Variants in MOV10 observed in about 807,000 individuals in gnomAD.
MOV10 encodes the protein RNA helicase MOV-10.
A neutral mutation model predicts 108.4 loss-of-function variants in MOV10; 39 were observed. The observed-to-expected ratio is 0.36, with a 90% CI of 0.28 to 0.47. The LOEUF is 0.47. Ranked by LOEUF, MOV10 falls within the 20% of genes least tolerant of loss-of-function variation. MOV10 has a pLI of 1.00. For synonymous variants in MOV10, 490 were observed against 523.1 expected (o/e 0.94, Z 0.86); for missense variants, 952 against 1,297.6 (o/e 0.73, Z 4.09).
intron 14 of MOV10, 147 bp downstream of exon 14, chr1:112,696,993 TC>T (rs1344431990): frequency 1.4e-6 from 1 of 711,308 alleles, no homozygotes; most frequent in African/African-American, 1.8e-5. Flanking sequence ...AGGAGGTTTT[TC>T]TAGCCCCAGC....
intron 17 of MOV10, chr1:112,699,175 C>T (rs796689639): frequency 1.2e-4 from 28 of 232,572 alleles, no homozygotes; most frequent in African/African-American, 5.5e-4. Flanking sequence ...TTTAATACCC[C>T]GCCCCCATGC....
chr1:112,699,672 C>T lies in MOV10; in HGVS notation c.2584-13C>T, dbSNP rs780855551. 3 of 1,614,160 alleles carry T rather than the reference C, an allele frequency of 1.9e-6. No homozygotes were observed. Among genetic ancestry groups the T allele is most frequent in the Non-Finnish European group, 2.5e-6 (3 of 1,180,012 alleles). On this transcript the variant is annotated splice_polypyrimidine_tract_variant and intron_variant, in intron 17 of 20. Coordinates refer to ENST00000369645, the MANE Select transcript of MOV10 (RefSeq NM_001321324.2). ...CCCTGGCTGGTCTCAGGCCCTGCCT[C>T]TTTCCCCACTAGGTGGGTTCAGTAG...
rs766359759 is a variant in MOV10, at chr1:112,700,724, C to A, written c.*217C>A. The A allele has an allele frequency of 1.3e-6, 2 of 1,513,954 alleles. No individual in the cohort carries two copies. Among genetic ancestry groups the A allele is most frequent in the South Asian group, 2.5e-5 (2 of 81,136 alleles). 93.8% of individuals were successfully genotyped at this position (1,513,954 alleles called of 1,614,324 possible). A position where few individuals can be genotyped will look rare whatever the true frequency, so the allele number is the denominator to read the frequency against. On this transcript the variant is annotated 3_prime_UTR_variant, in exon 21 of 21. Transcript: ENST00000369645. ...AGGAAGAAAACTCTGAAAACAAAAT[C>A]TTGTTCTATGCAAAAGCCTTGATAA...
intron 2 of MOV10, among the ~76,000 whole-genome samples, chr1:112,685,523 C>T (rs1183587481): frequency 8.6e-5 from 13 of 151,618 alleles, no homozygotes; most frequent in African/African-American, 1.5e-4. Flanking sequence ...GGTGTGGTGG[C>T]GTGCACCTGT....
In MOV10 at chr1:112,690,037, A is replaced by T; in HGVS notation, c.775A>T (p.Thr259Ser). ...QLKPMTPFKR[T>S]RITGNPVVTN... ...GAAGCCCATGACTCCCTTCAAGCGG[A>T]CCCGGATCACCGGAAACCCTGTGGT... The change falls in exon 5 of 21, where the codon ACC becomes TCC. Residue 259 changes from threonine to serine, a missense_variant. Thr to Ser is a moderately conservative substitution (Grantham distance 58). Transcript: ENST00000369645. The T allele has an allele frequency of 1.2e-6, 2 of 1,614,012 alleles. No individual in the cohort carries two copies. Among genetic ancestry groups the T allele is most frequent in the Non-Finnish European group, 1.7e-6 (2 of 1,180,030 alleles).
chr1:112,674,751 G>A lies in MOV10; in HGVS notation c.-66+22G>A, dbSNP rs1290080547. The A allele has an allele frequency of 6.5e-6, 4 of 618,054 alleles. No individual in the cohort carries two copies. The South Asian group carries it at 6.6e-5, about 10-fold the overall frequency. 38.3% of individuals were successfully genotyped at this position (618,054 alleles called of 1,614,324 possible). ...TCAGGTAAGAAAAGAACGGAGGAGG[G>A]AAGCCTGGTGGGGAGAAGGGAGCCC... On this transcript the variant is annotated intron_variant, in intron 1 of 20. Coordinates refer to ENST00000369645, the MANE Select transcript of MOV10 (RefSeq NM_001321324.2).
Position 112,696,467 on chromosome 1 carries a change from C to T in MOV10, c.1914C>T (p.His638=). Residue 638 remains histidine (H), a synonymous_variant, in exon 13 of 21, where the codon CAC becomes CAT. Transcript: ENST00000369645. ...RLVSAQFPID[H]FTHIFIDEAG... ...TCTCGGCCCAGTTTCCCATTGATCA[C>T]TTCACACACATCTTCATCGATGAGG... is the stretch of plus-strand genomic sequence containing the variant. 15 of 1,614,142 alleles carry T rather than the reference C, an allele frequency of 9.3e-6. No homozygotes were observed. The highest frequency in any genetic ancestry group is 1.3e-5 in the Non-Finnish European group (15 of 1,180,004).
intron 2 of MOV10, among the ~76,000 whole-genome samples, chr1:112,685,686 T>TAAA (rs765402386): frequency 3.2e-5 from 4 of 124,776 alleles, no homozygotes; most frequent in African/African-American, 1.5e-4. Flanking sequence ...TAAAATAAAA[T>TAAA]ATAAAATAAA....
intron 2 of MOV10, among the ~76,000 whole-genome samples, chr1:112,678,326 T>C (rs1050820660): frequency 6.6e-6 from 1 of 152,118 alleles, no homozygotes; most frequent in Non-Finnish European, 1.5e-5. Context: ...AAGATGATTC[T>C]TGCTTTGGAC....
intron 2 of MOV10, among the ~76,000 whole-genome samples, chr1:112,682,649 C>T (rs1371525659): frequency 1.3e-5 from 2 of 152,216 alleles, no homozygotes; most frequent in South Asian, 2.1e-4. Flanking sequence ...CACTCTTACT[C>T]ACCCAGAAGC....
chr1:112,680,611 GTA>G (rs1672550634), intron 2 of MOV10, among the ~76,000 whole-genome samples: 2 of 124,574 alleles, frequency 1.6e-5, no homozygotes, highest in Non-Finnish European at 3.2e-5. Context: ...AGCCGAGATT[GTA>G]CCACTGCACT....
intron 2 of MOV10, 182 bp from the exon 3 acceptor site, chr1:112,688,753 A>G: frequency 1.4e-6 from 2 of 1,441,056 alleles, no homozygotes; most frequent in Non-Finnish European, 1.8e-6. Flanking sequence ...GCCTTCCCTG[A>G]AAACATTAAA....
chr1:112,693,826 T>G, intron 7 of MOV10, 192 bp from the exon 8 acceptor site: 1 of 540,902 alleles, frequency 1.8e-6, no homozygotes, highest in Non-Finnish European at 3.3e-6. Context: ...TCGGAGGATT[T>G]GTCTTCTTCC....
chr1:112,682,199 G>GT (rs1672715137), intron 2 of MOV10, among the ~76,000 whole-genome samples: 1 of 152,032 alleles, frequency 6.6e-6, no homozygotes, highest in African/African-American at 2.4e-5. Flanking sequence ...CCGGCCATGG[G>GT]TTTTTTGTTG....
chr1:112,699,522 C>T, intron 17 of MOV10, 163 bp from the exon 18 acceptor site: 2 of 1,464,654 alleles, frequency 1.4e-6, no homozygotes, highest in South Asian at 1.4e-5. Flanking sequence ...CACAGCCTAC[C>T]TCCCATCCCC....
chr1:112,696,994 C>G (rs1206705251), intron 14 of MOV10, 148 bp downstream of exon 14: 1 of 703,308 alleles, frequency 1.4e-6, no homozygotes, highest in Non-Finnish European at 2.4e-6. Context: ...GGAGGTTTTT[C>G]TAGCCCCAGC....
intron 2 of MOV10, chr1:112,688,579 T>G: frequency 6.8e-6 from 8 of 1,168,450 alleles, no homozygotes; most frequent in Non-Finnish European, 8.5e-6. Flanking sequence ...TGTATTTTCT[T>G]TTCTGTCCCA....
intron 7 of MOV10, 101 bp downstream of exon 7, chr1:112,693,030 G>C (rs1002790437): frequency 1.0e-5 from 12 of 1,161,652 alleles, no homozygotes; most frequent in Admixed American, 2.4e-5. Context: ...CAAGAGGAAA[G>C]TTGAAGTGGT....
At chr1:112,674,474 C>T (rs1052047367), upstream of MOV10, 1 of 153,374 alleles carries the variant, frequency 6.5e-6, no homozygotes, top group Non-Finnish European at 1.5e-5. Context: ...CCAGCCCTGC[C>T]CTTTGCTCTC....
Sources: gnomAD v4.1 joint callset for allele counts (sites outside exome capture counted in the v4.1 genomes callset) on GRCh38, gnomAD v4.1.1 for gene constraint, MANE v1.5 for transcripts, NCBI Gene and HGNC (gene_info 2026-07-23, HGNC 2026-07-21) for gene names.